PRKD1: variants seen among roughly 807,000 people sequenced by gnomAD.
PRKD1 encodes the protein protein kinase D1.
Under a neutral mutation model 95.9 loss-of-function variants are expected in PRKD1, and 63 were observed. The observed-to-expected ratio is 0.66, with a 90% confidence interval of 0.54 to 0.81. PRKD1 has a LOEUF of 0.81. Ranked by LOEUF, PRKD1 falls within the 30% of genes least tolerant of loss-of-function variation. The pLI, the probability that PRKD1 is intolerant of heterozygous loss-of-function variation, is 0.00. For missense variants in PRKD1, 1,048 were observed against 1,165.3 expected, an observed-to-expected ratio of 0.90 and a Z score of 1.47; for synonymous variants, 425 against 423.1, an observed-to-expected ratio of 1.00 and a Z score of -0.05.
chr14:29,603,347 TC>T (rs1893591460), intron 13 of PRKD1, among the ~76,000 whole-genome samples: 1 of 152,360 alleles, frequency 6.6e-6, no homozygotes, highest in Non-Finnish European at 1.5e-5. Context: ...CTGTATTTTT[TC>T]TTGCATTGAA....
chr14:29,732,893 A>G (rs1886509695), intron 1 of PRKD1, among the ~76,000 whole-genome samples: 1 of 147,434 alleles, frequency 6.8e-6, no homozygotes, highest in Admixed American at 6.7e-5. Context: ...AAACAATTTG[A>G]TAGTGATGTG....
At chr14:29,869,900 G>C (rs1893043278) in intron 1 of PRKD1, among the ~76,000 whole-genome samples, 1 of 152,032 alleles carries the variant, frequency 6.6e-6, no homozygotes, top group Non-Finnish European at 1.5e-5. Flanking sequence ...CATGGCAGGG[G>C]GTGACTGGCG....
rs550840517 is a variant in PRKD1, at chr14:29,870,968, T to C, written c.264+56281A>G. Among the ~76,000 whole-genome samples, 9 of 152,380 alleles carry C rather than the reference T, an allele frequency of 5.9e-5. No individual in the cohort carries two copies. The South Asian group carries it at 1.9e-3, about 32-fold the overall frequency. On this transcript the variant is annotated intron_variant, in intron 1 of 17. Coordinates refer to ENST00000331968, the MANE Select transcript of PRKD1 (RefSeq NM_002742.3). ...TAATTTTTTGAAAATGCTTTGTCAATATTCTAGTCCTTCTACCTTTGCTAT... is the reference window on the plus strand; with the variant it reads ...TAATTTTTTGAAAATGCTTTGTCAACATTCTAGTCCTTCTACCTTTGCTAT...
intron 4 of PRKD1, among the ~76,000 whole-genome samples, chr14:29,650,765 G>C (rs1042035278): frequency 6.6e-6 from 1 of 152,148 alleles, no homozygotes; most frequent in African/African-American, 2.4e-5. Context: ...CTTACATCTT[G>C]GGAAAAACAT....
chr14:29,610,405 G>A (rs576568002), intron 13 of PRKD1, among the ~76,000 whole-genome samples: 1 of 152,164 alleles, frequency 6.6e-6, no homozygotes, highest in Non-Finnish European at 1.5e-5. Flanking sequence ...TGGAAAATAA[G>A]TACATGAAAA....
intron 16 of PRKD1, among the ~76,000 whole-genome samples, chr14:29,579,359 A>G (rs1892678489): frequency 6.6e-6 from 1 of 152,062 alleles, no homozygotes; most frequent in African/African-American, 2.4e-5. Flanking sequence ...CCAACCTAAT[A>G]GGAAGCATTT....
At chr14:29,762,551 G>T (rs1888045381) in intron 1 of PRKD1, among the ~76,000 whole-genome samples, 1 of 152,124 alleles carries the variant, frequency 6.6e-6, no homozygotes, top group South Asian at 2.1e-4. Flanking sequence ...ATTACTAACA[G>T]ACAACATTCA....
intron 1 of PRKD1, among the ~76,000 whole-genome samples, chr14:29,797,263 G>A (rs1889857192): frequency 6.6e-6 from 1 of 152,178 alleles, no homozygotes; most frequent in Non-Finnish European, 1.5e-5. Context: ...TCTTTTAGGA[G>A]GATATCAGTA....
At chr14:29,735,369 C>T (rs1372052829) in intron 1 of PRKD1, among the ~76,000 whole-genome samples, 4 of 152,170 alleles carry the variant, frequency 2.6e-5, no homozygotes, top group Non-Finnish European at 5.9e-5. Flanking sequence ...GATTAGAAAA[C>T]AAATACTTAT....
intron 1 of PRKD1, among the ~76,000 whole-genome samples, chr14:29,753,578 CTTTATTT>C (rs1887571486): frequency 6.6e-6 from 1 of 151,964 alleles, no homozygotes; most frequent in African/African-American, 2.4e-5. Flanking sequence ...ACTCTATTGC[CTTTATTT>C]TTCTCCTTTA....
intron 4 of PRKD1, among the ~76,000 whole-genome samples, chr14:29,640,084 G>A (rs1252710540): frequency 6.6e-6 from 1 of 152,088 alleles, no homozygotes; most frequent in African/African-American, 2.4e-5. Flanking sequence ...TAGTTATTAA[G>A]TTCCTACTCT....
intron 4 of PRKD1, among the ~76,000 whole-genome samples, chr14:29,655,254 TCACACTGGACTTATTCTAAGTAGGA>T (rs1338339127): frequency 1.3e-5 from 2 of 152,226 alleles, no homozygotes; most frequent in African/African-American, 4.8e-5. Context: ...CACCTAGCTT[TCACACTGGACTTATTCTAAGTAGGA>T]CACTTTTTGA....
chr14:29,676,192 T>TTTTTTTTTTTTTTTTTTTTTTTTG (rs1566532348), intron 2 of PRKD1, among the ~76,000 whole-genome samples: 2 of 128,524 alleles, frequency 1.6e-5, no homozygotes, highest in Admixed American at 8.1e-5. Context: ...TGTTTTTTTT[T>TTTTTTTTTTTTTTTTTTTTTTTTG]TTTTTTTTTT....
chr14:29,729,450 G>C (rs1886326718), intron 1 of PRKD1, among the ~76,000 whole-genome samples: 1 of 151,888 alleles, frequency 6.6e-6, no homozygotes, highest in African/African-American at 2.4e-5. Context: ...AAATTTCTTG[G>C]CATAAAGTTA....
At chr14:29,920,034 AAGGAAG>A (rs1895039840) in intron 1 of PRKD1, among the ~76,000 whole-genome samples, 1 of 137,804 alleles carries the variant, frequency 7.3e-6, no homozygotes, top group Admixed American at 7.0e-5. Flanking sequence ...GGAAGGAAGG[AAGGAAG>A]GAAGGAAGGA....
At chr14:29,602,764 C>A (rs1893568553) in intron 13 of PRKD1, among the ~76,000 whole-genome samples, 1 of 152,140 alleles carries the variant, frequency 6.6e-6, no homozygotes, top group African/African-American at 2.4e-5. Flanking sequence ...AAGTCCTTCA[C>A]TCAATTTATT....
chr14:29,888,058 T>C (rs1349150818), intron 1 of PRKD1, among the ~76,000 whole-genome samples: 6 of 152,162 alleles, frequency 3.9e-5, no homozygotes, highest in Non-Finnish European at 7.3e-5. Flanking sequence ...TCCAGCTCTT[T>C]GGGAGGTTGA....
rs996779705 is a variant in PRKD1 at position 29,598,934 on chromosome 14, G to A, written c.2166+93C>T. ...TAGAAAACACTTGAAACAAATAAAG[G>A]TTTTAAGGGAAAAATGGAAGGTGAC... On this transcript the variant is annotated intron_variant, in intron 15 of 17. Transcript: ENST00000331968. 2.9e-5 allele frequency: 31 copies of A among 1,083,532 alleles called. No individual in the cohort carries two copies. In the Admixed American group the frequency reaches 5.9e-4, roughly 21 times the overall value. The allele number at this position is 1,083,532 out of a possible 1,614,324, so 67.1% of individuals were successfully genotyped here.
intron 1 of PRKD1, among the ~76,000 whole-genome samples, chr14:29,853,760 T>C (rs946354925): frequency 1.3e-5 from 2 of 152,198 alleles, no homozygotes; most frequent in Admixed American, 1.3e-4. Context: ...TTCCCATGTG[T>C]TGTGGGAGGG....
Sources: gnomAD v4.1 joint callset for allele counts (sites outside exome capture counted in the v4.1 genomes callset) on GRCh38, gnomAD v4.1.1 for gene constraint, MANE v1.5 for transcripts, NCBI Gene and HGNC (gene_info 2026-07-23, HGNC 2026-07-21) for gene names.